UBA6: variants seen among roughly 807,000 people sequenced by gnomAD.
UBA6 encodes ubiquitin like modifier activating enzyme 6, also known as ubiquitin-like modifier-activating enzyme 6.
A neutral mutation model predicts 148.3 loss-of-function variants in UBA6; 87 were observed. The ratio of observed to expected loss-of-function variants is 0.59; its 90% CI spans 0.49 to 0.70. The LOEUF (loss-of-function observed/expected upper bound fraction) is 0.70. Ranked by LOEUF, UBA6 falls within the 30% of genes least tolerant of loss-of-function variation. UBA6 has a pLI of 0.00. For missense variants in UBA6, 1,186 were observed against 1,241.2 expected, an observed-to-expected ratio of 0.96 and a Z score of 0.67; for synonymous variants, 376 against 401.0, an observed-to-expected ratio of 0.94 and a Z score of 0.75.
intron 6 of UBA6, among the ~76,000 whole-genome samples, chr4:67,674,893 C>G (rs1730239680): frequency 6.6e-6 from 1 of 151,804 alleles, no homozygotes; most frequent in Non-Finnish European, 1.5e-5. Context: ...GAGACACAGT[C>G]TCACTCTGTT....
chr4:67,648,938 T>G, intron 14 of UBA6, 130 bp downstream of exon 14: 1 of 919,192 alleles, frequency 1.1e-6, no homozygotes. Flanking sequence ...GGAGGCATAC[T>G]GCTTGCATCT....
chr4:67,634,210 T>C, intron 22 of UBA6, 32 bp downstream of exon 22: 1 of 1,430,326 alleles, frequency 7.0e-7, no homozygotes, highest in Non-Finnish European at 9.6e-7. Flanking sequence ...ACACAAAGTG[T>C]TAAGTTTGTA....
At chr4:67,654,644 C>T (rs190221002) in intron 13 of UBA6, among the ~76,000 whole-genome samples, 1 of 152,044 alleles carries the variant, frequency 6.6e-6, no homozygotes. Context: ...GGCAAAAAAA[C>T]CAGCTAACAT....
intron 19 of UBA6, among the ~76,000 whole-genome samples, chr4:67,637,221 G>A (rs1375191811): frequency 1.3e-5 from 2 of 151,248 alleles, no homozygotes; most frequent in Non-Finnish European, 3.0e-5. Context: ...CCGGGAGGGA[G>A]GTGGGGGGCA....
intron 19 of UBA6, among the ~76,000 whole-genome samples, chr4:67,637,136 T>C (rs1396740077): frequency 6.6e-6 from 1 of 150,620 alleles, no homozygotes; most frequent in Non-Finnish European, 1.5e-5. Flanking sequence ...GTCTGGGAAG[T>C]GAGGAGCGTC....
chr4:67,656,595 G>A (rs137912090), intron 13 of UBA6, among the ~76,000 whole-genome samples: 2,995 of 152,274 alleles, frequency 0.02, 146 homozygotes, highest in Admixed American at 0.12. Flanking sequence ...GCAAAAACTG[G>A]AAGCATTCCC....
chr4:67,623,793 A>G (rs1728805576), intron 30 of UBA6, among the ~76,000 whole-genome samples: 1 of 152,060 alleles, frequency 6.6e-6, no homozygotes, highest in African/African-American at 2.4e-5. Context: ...GTACAGGCCC[A>G]GGAATTGTTC....
intron 11 of UBA6, 43 bp from the exon 12 acceptor site, chr4:67,663,258 T>G (rs1322633865): frequency 7.2e-7 from 1 of 1,392,072 alleles, no homozygotes; most frequent in Non-Finnish European, 1.0e-6. Context: ...ACTGAGTGGT[T>G]GTATGTCCCA....
rs1259110911 is a variant in UBA6, at chr4:67,645,990, G to C, written c.1343C>G (p.Ala448Gly). 2 of 1,587,354 alleles carry C rather than the reference G, an allele frequency of 1.3e-6. No homozygotes were observed. Among genetic ancestry groups the C allele is most frequent in the Non-Finnish European group, 1.7e-6 (2 of 1,165,186 alleles). The change falls in exon 16 of 33, where the codon GCT becomes GGT. Residue 448 changes from alanine (A) to glycine (G), a missense_variant. Transcript: ENST00000322244. ...CTGACACAAAGTGTCTCCAATGCAA[G>C]CTCTTAAGGCATCATATCTATCTCC... ...PRGDRYDALRACIGDTLCQKL... is the reference protein window; with the variant it reads ...PRGDRYDALRGCIGDTLCQKL...
At chr4:67,654,863 A>T (rs928712127) in intron 13 of UBA6, among the ~76,000 whole-genome samples, 1 of 12,702 alleles carries the variant, frequency 7.9e-5, no homozygotes, top group African/African-American at 1.7e-4. Flanking sequence ...AAATGGAAAG[A>T]AAAAAAAAAA....
At chr4:67,686,654 TA>T (rs973979665) in intron 2 of UBA6, among the ~76,000 whole-genome samples, 7 of 151,966 alleles carry the variant, frequency 4.6e-5, no homozygotes, top group African/African-American at 1.7e-4. Context: ...CGGGCATAAA[TA>T]AAATGTTTGG....
At chr4:67,646,417 C>G (rs1445003966) in intron 15 of UBA6, among the ~76,000 whole-genome samples, 1 of 151,866 alleles carries the variant, frequency 6.6e-6, no homozygotes, top group African/African-American at 2.4e-5. Flanking sequence ...GATTTATGAC[C>G]CAAAAAGGTG....
chr4:67,629,863 C>A (rs17088544), intron 26 of UBA6, among the ~76,000 whole-genome samples: 2,738 of 152,110 alleles, frequency 0.018, 77 homozygotes, highest in African/African-American at 0.06. Flanking sequence ...GGATCTGATT[C>A]ATGTTTCTCT....
intron 19 of UBA6, among the ~76,000 whole-genome samples, chr4:67,637,951 A>AATAC (rs1729205907): frequency 6.6e-6 from 1 of 150,454 alleles, no homozygotes; most frequent in Non-Finnish European, 1.5e-5. Context: ...TAAATAAATA[A>AATAC]ATAAATAAAT....
Position 67,682,166 on chromosome 4 carries a change from T to C in UBA6, c.182A>G (p.Lys61Arg), listed in dbSNP as rs760839851. 21 of 1,613,864 alleles carry C rather than the reference T, an allele frequency of 1.3e-5. No individual in the cohort carries two copies. Among genetic ancestry groups the C allele is most frequent in the African/African-American group, 4.0e-5 (3 of 74,930 alleles). Reference sequence around the variant, plus strand: ...CATCCCACTTAAGAAAACATGGGACTTGGCCATCTTCTGCATTGCTGTGTC... The same window carrying C: ...CATCCCACTTAAGAAAACATGGGACCTGGCCATCTTCTGCATTGCTGTGTC... Reference protein sequence around the residue: ...LGDTAMQKMAKSHVFLSGMGG... With the variant: ...LGDTAMQKMARSHVFLSGMGG... Residue 61 changes from lysine (K) to arginine (R), a missense_variant, in exon 3 of 33, where the codon AAG becomes AGG. By Grantham distance (26) the Lys-to-Arg change is conservative. Transcript: ENST00000322244.
At chr4:67,699,403 C>G (rs908349714) in intron 1 of UBA6, among the ~76,000 whole-genome samples, 10 of 152,140 alleles carry the variant, frequency 6.6e-5, no homozygotes, top group African/African-American at 2.4e-4. Flanking sequence ...ATTTATCTCA[C>G]CAAACACTGG....
rs1378838661 is a variant in UBA6, at chr4:67,636,226, C to T, written c.1737-668G>A. Among the ~76,000 whole-genome samples the T allele has an allele frequency of 2.6e-5, 4 of 151,984 alleles. No homozygotes were observed. In the East Asian group the frequency reaches 7.7e-4, roughly 29 times the overall value. On this transcript the variant is annotated intron_variant, in intron 19 of 32. Transcript: ENST00000322244. ...CCCTGGATGAATGATTTAGTGAGGA[C>T]ACAAACATTAAATAAATATGCATAT... is the stretch of plus-strand genomic sequence containing the variant.
rs975186014 is a variant in UBA6 at position 67,624,179 on chromosome 4, G to A, written c.2787C>T (p.Ala929=). The change falls in exon 30 of 33, where the codon GCC becomes GCT. Residue 929 remains alanine, a synonymous_variant. Transcript: ENST00000322244. ...EAYKNCFLNL[A]IPIVVFTETT... The stretch of plus-strand genomic sequence containing the variant: ...TCTCTGTAAATACTACAATTGGAAT[G>A]GCTAAGTTAAGAAAACAATTTTTGT... 2.5e-6 allele frequency: 4 copies of A among 1,609,150 alleles called. No homozygotes were observed. The highest frequency in any genetic ancestry group is 3.4e-6 in the Non-Finnish European group (4 of 1,177,834).
chr4:67,673,420 A>G (rs1301649897), intron 7 of UBA6, among the ~76,000 whole-genome samples: 1 of 105,266 alleles, frequency 9.5e-6, no homozygotes, highest in South Asian at 3.6e-4. Flanking sequence ...TGTCTCGGGA[A>G]AAAAAAAAAA....
Sources: allele counts gnomAD v4.1 joint callset (sites outside exome capture counted in the v4.1 genomes callset), GRCh38; gene constraint gnomAD v4.1.1; transcripts MANE v1.5; gene names NCBI Gene and HGNC (gene_info 2026-07-23, HGNC 2026-07-21).